Variants in ESR1 observed in about 807,000 individuals in gnomAD.
ESR1 encodes the protein estrogen receptor.
Under a neutral mutation model 52.7 loss-of-function variants are expected in ESR1, and 12 were observed. The observed-to-expected ratio is 0.23, with a 90% CI of 0.15 to 0.37. ESR1 has a LOEUF of 0.37. Among genes scored for constraint, ESR1 ranks in the 10% least tolerant of loss-of-function variants. The probability of loss-of-function intolerance (pLI) is 1.00; values close to 1 mark genes in which losing one functional copy is unlikely to be tolerated. For synonymous variants in ESR1, 305 were observed against 316.8 expected, an observed-to-expected ratio of 0.96 and a Z score of 0.39; for missense variants, 584 against 779.7, an observed-to-expected ratio of 0.75 and a Z score of 2.99.
chr6:151,859,308 A>G (rs1788461640), intron 2 of ESR1, among the ~76,000 whole-genome samples: 1 of 152,254 alleles, frequency 6.6e-6, no homozygotes, highest in Non-Finnish European at 1.5e-5. Context: ...TATACAAATT[A>G]TTATGTCACC....
intron 4 of ESR1, among the ~76,000 whole-genome samples, chr6:151,997,899 C>T (rs1562649323): frequency 6.6e-6 from 1 of 152,218 alleles, no homozygotes; most frequent in Non-Finnish European, 1.5e-5. Flanking sequence ...CCAGGAAAGC[C>T]ACGGGGAGGG....
At chr6:152,123,620 C>T (rs2052247170) in intron 6 of ESR1, among the ~76,000 whole-genome samples, 1 of 152,050 alleles carries the variant, frequency 6.6e-6, no homozygotes, top group South Asian at 2.1e-4. Context: ...TGGTTACTAG[C>T]AGAAAAGATG....
intron 5 of ESR1, among the ~76,000 whole-genome samples, chr6:152,041,755 G>A (rs975913257): frequency 2.6e-4 from 39 of 152,172 alleles, no homozygotes; most frequent in African/African-American, 8.9e-4. Flanking sequence ...CTGGAGAATC[G>A]ATATACCCCT....
chr6:152,067,901 G>A (rs907429393), intron 6 of ESR1, among the ~76,000 whole-genome samples: 3 of 152,176 alleles, frequency 2.0e-5, no homozygotes, highest in Non-Finnish European at 4.4e-5. Flanking sequence ...TTCTTAGTAT[G>A]CCAATGTTGC....
At chr6:151,714,891 T>G (rs1373008652) in intron 2 of ESR1, among the ~76,000 whole-genome samples, 3 of 152,196 alleles carry the variant, frequency 2.0e-5, no homozygotes, top group Non-Finnish European at 4.4e-5. Context: ...TGATGCTAGC[T>G]GGTTATTTTG....
At chr6:151,724,416 G>T (rs867612508) in intron 2 of ESR1, among the ~76,000 whole-genome samples, 3 of 152,148 alleles carry the variant, frequency 2.0e-5, no homozygotes, top group Middle Eastern at 6.8e-3. Context: ...AAACTAATAA[G>T]TCCAAGAGAA....
chr6:152,008,736 G>A (rs1006984051), intron 4 of ESR1, among the ~76,000 whole-genome samples: 1 of 151,412 alleles, frequency 6.6e-6, no homozygotes, highest in African/African-American at 2.4e-5. Flanking sequence ...TTCATCATGG[G>A]TGGCAATATT....
intron 2 of ESR1, among the ~76,000 whole-genome samples, chr6:151,784,500 C>G (rs1458980797): frequency 6.6e-6 from 1 of 152,078 alleles, no homozygotes; most frequent in Admixed American, 6.5e-5. Context: ...GTTCTTTGTA[C>G]CATGTTTCCA....
At chr6:151,905,955 A>G (rs1797379669) in intron 3 of ESR1, among the ~76,000 whole-genome samples, 1 of 152,168 alleles carries the variant, frequency 6.6e-6, no homozygotes, top group South Asian at 2.1e-4. Context: ...GCGTTCCATT[A>G]TTGGAACGCT....
At chr6:151,767,901 G>A (rs1211728613) in intron 2 of ESR1, among the ~76,000 whole-genome samples, 1 of 152,108 alleles carries the variant, frequency 6.6e-6, no homozygotes, top group Non-Finnish European at 1.5e-5. Context: ...CCTAGAAGGG[G>A]CATATACCCC....
At chr6:151,933,646 T>C (rs1171536265) in intron 3 of ESR1, among the ~76,000 whole-genome samples, 1 of 152,206 alleles carries the variant, frequency 6.6e-6, no homozygotes, top group African/African-American at 2.4e-5. Flanking sequence ...CCTAATTTAT[T>C]GGGAGTTTTT....
Position 152,054,894 on chromosome 6 carries a change from T to A in ESR1, c.1236-6097T>A, listed in dbSNP as rs116128281. On this transcript the variant is annotated intron_variant, in intron 5 of 7. Transcript: ENST00000206249. ...TACTGATCATGCCAGTTGGAAATGATTCGAATCTGTAAAGCAGGGTGCTAT... is the reference window on the plus strand; with the variant it reads ...TACTGATCATGCCAGTTGGAAATGAATCGAATCTGTAAAGCAGGGTGCTAT... Among the ~76,000 whole-genome samples the A allele has an allele frequency of 4.3e-3, 659 of 152,320 alleles. 5 individuals carry two copies. The highest frequency in any genetic ancestry group is 0.015 in the African/African-American group (617 of 41,570).
chr6:152,090,885 G>A lies in ESR1; in HGVS notation c.1370-3500G>A, dbSNP rs560497356. Among the ~76,000 whole-genome samples the A allele has an allele frequency of 1.2e-4, 18 of 152,206 alleles. No homozygotes were observed. The South Asian group carries it at 3.5e-3, about 30-fold the overall frequency. ...GACTCTTCCTAAATATCCCCTTATT[G>A]GCTACAAGATCCAGATTGCCTAGAA... On this transcript the variant is annotated intron_variant, in intron 6 of 7. Transcript: ENST00000206249.
chr6:151,756,497 TG>T (rs765196653), intron 2 of ESR1, among the ~76,000 whole-genome samples: 6 of 152,172 alleles, frequency 3.9e-5, no homozygotes, highest in Non-Finnish European at 7.4e-5. Context: ...CCCAAAGTGC[TG>T]GTATTACTTT....
chr6:151,764,914 A>G (rs1784931097), intron 2 of ESR1, among the ~76,000 whole-genome samples: 1 of 152,212 alleles, frequency 6.6e-6, no homozygotes, highest in Non-Finnish European at 1.5e-5. Flanking sequence ...ATCAATTAGA[A>G]CAGTGCTGTA....
At chr6:151,878,755 A>C (rs1305792935) in intron 2 of ESR1, among the ~76,000 whole-genome samples, 1 of 152,216 alleles carries the variant, frequency 6.6e-6, no homozygotes, top group Non-Finnish European at 1.5e-5. Context: ...GTCTAAATTC[A>C]GGACATTTCC....
intron 3 of ESR1, among the ~76,000 whole-genome samples, chr6:151,920,882 C>A (rs2031514459): frequency 6.6e-6 from 1 of 152,028 alleles, no homozygotes. Context: ...TCTCCCTGTC[C>A]ATACAGTACT....
intron 2 of ESR1, among the ~76,000 whole-genome samples, chr6:151,728,752 A>C (rs892807381): frequency 4.6e-5 from 7 of 152,186 alleles, no homozygotes; most frequent in African/African-American, 1.4e-4. Context: ...AGAATGTCTG[A>C]TGGTGCCCTG....
At chr6:151,802,710 C>T (rs979929410), upstream of ESR1, among the ~76,000 whole-genome samples, 1 of 152,124 alleles carries the variant, frequency 6.6e-6, no homozygotes, top group African/African-American at 2.4e-5. Context: ...TTTGAAAGAC[C>T]GGGCGTGATG....
Sources: allele counts gnomAD v4.1 joint callset (sites outside exome capture counted in the v4.1 genomes callset), GRCh38; gene constraint gnomAD v4.1.1; transcripts MANE v1.5; gene names NCBI Gene and HGNC (gene_info 2026-07-23, HGNC 2026-07-21).